The following GADL1 variants were observed in gnomAD, a reference collection of about 807,000 sequenced individuals.
GADL1 encodes the protein acidic amino acid decarboxylase GADL1.
In GADL1, 71 loss-of-function variants were observed where a neutral mutation model predicts 69.5. That is an observed-to-expected ratio of 1.02 (90% CI 0.84 to 1.25). GADL1 has a LOEUF of 1.25. GADL1 is among the 50% of genes most tolerant of loss of function. The pLI, the probability that GADL1 is intolerant of heterozygous loss-of-function variation, is 0.00. For missense variants in GADL1, 737 were observed against 631.8 expected (o/e 1.17, Z -1.79); for synonymous variants, 254 against 214.4 (o/e 1.18, Z -1.62).
chr3:30,813,674 TCA>T (rs1697403285), intron 11 of GADL1, among the ~76,000 whole-genome samples: 1 of 152,244 alleles, frequency 6.6e-6, no homozygotes, highest in African/African-American at 2.4e-5. Context: ...GAGATTGATT[TCA>T]CAGACAGGAA....
At chr3:30,794,788 T>A (rs754831175) in intron 12 of GADL1, among the ~76,000 whole-genome samples, 12 of 152,202 alleles carry the variant, frequency 7.9e-5, no homozygotes, top group Non-Finnish European at 1.6e-4. Flanking sequence ...CAGGGGAATA[T>A]GAAGAGGGCT....
chr3:30,863,122 T>A (rs751164444), intron 1 of GADL1, among the ~76,000 whole-genome samples: 3 of 151,910 alleles, frequency 2.0e-5, no homozygotes, highest in Non-Finnish European at 4.4e-5. Context: ...ATATTTTCCC[T>A]TTTAACAAAT....
At chr3:30,768,123 TAC>T (rs1272030529) in intron 14 of GADL1, among the ~76,000 whole-genome samples, 3 of 150,670 alleles carry the variant, frequency 2.0e-5, no homozygotes, top group Non-Finnish European at 4.4e-5. Context: ...TGCAAATGTA[TAC>T]AGACTTCTTA....
At chr3:30,806,939 A>C (rs977923999) in intron 11 of GADL1, among the ~76,000 whole-genome samples, 1 of 152,216 alleles carries the variant, frequency 6.6e-6, no homozygotes, top group African/African-American at 2.4e-5. Flanking sequence ...CTTCATTACT[A>C]ATCTGGCAGA....
At chr3:30,790,244 G>A (rs1015797800) in intron 12 of GADL1, among the ~76,000 whole-genome samples, 2 of 152,182 alleles carry the variant, frequency 1.3e-5, no homozygotes, top group African/African-American at 4.8e-5. Flanking sequence ...GGAATGGCCA[G>A]TTGGACAGCA....
chr3:30,883,461 T>C (rs1469725799), intron 1 of GADL1, among the ~76,000 whole-genome samples: 1 of 152,044 alleles, frequency 6.6e-6, no homozygotes, highest in Admixed American at 6.6e-5. Context: ...TGACTGTATA[T>C]GTGAGGGGTT....
intron 2 of GADL1, 145 bp downstream of exon 2, chr3:30,861,448 C>G: frequency 1.6e-6 from 1 of 631,640 alleles, no homozygotes. Flanking sequence ...ACAGCCTACA[C>G]TTTTATATCT....
chr3:30,841,612 G>A (rs1697967485), intron 8 of GADL1, among the ~76,000 whole-genome samples: 1 of 152,144 alleles, frequency 6.6e-6, no homozygotes. Context: ...ACAAAATGAG[G>A]AGGAATATTT....
chr3:30,889,463 A>G (rs1308998162), intron 1 of GADL1, among the ~76,000 whole-genome samples: 2 of 152,222 alleles, frequency 1.3e-5, no homozygotes, highest in African/African-American at 2.4e-5. Flanking sequence ...GAACACTTAC[A>G]CAGGAGGTAT....
intron 11 of GADL1, among the ~76,000 whole-genome samples, chr3:30,809,128 G>A (rs939932358): frequency 9.9e-5 from 15 of 152,134 alleles, no homozygotes; most frequent in African/African-American, 3.4e-4. Context: ...CTGTATTTAT[G>A]TTCACCTATA....
At chr3:30,819,193 T>A (rs563713506) in intron 11 of GADL1, among the ~76,000 whole-genome samples, 1 of 127,432 alleles carries the variant, frequency 7.8e-6, no homozygotes, top group South Asian at 2.6e-4. Flanking sequence ...TCTTTCTTGG[T>A]GCCCCGGGTT....
At position 30,760,395 on chromosome 3, in the gene GADL1, ACT is replaced by A. The variant is rs767570297; in HGVS notation, c.1392+17782_1392+17783del. 3.3e-5 allele frequency among the ~76,000 whole-genome samples: 5 copies of A among 152,102 alleles called. No homozygotes were observed. In the East Asian group the frequency reaches 5.8e-4, roughly 18 times the overall value. On this transcript the variant is annotated intron_variant, in intron 14 of 14. Transcript: ENST00000282538. ...AATATCATTTTCAGGGACTTGTATC[ACT>A]CTGTGAAACTCCTAAATTCTGTCCA...
intron 11 of GADL1, among the ~76,000 whole-genome samples, chr3:30,824,460 G>T (rs1398408114): frequency 3.3e-5 from 5 of 151,682 alleles, no homozygotes; most frequent in African/African-American, 1.2e-4. Context: ...AATTATTCCG[G>T]ATGGAACCTT....
chr3:30,807,714 AAG>A (rs1275239117), intron 11 of GADL1, among the ~76,000 whole-genome samples: 1 of 152,164 alleles, frequency 6.6e-6, no homozygotes, highest in Non-Finnish European at 1.5e-5. Flanking sequence ...TGGGGGATGG[AAG>A]AGAGTAAGCA....
At chr3:30,827,680 G>A (rs1326236034) in intron 11 of GADL1, among the ~76,000 whole-genome samples, 1 of 151,786 alleles carries the variant, frequency 6.6e-6, no homozygotes, top group African/African-American at 2.4e-5. Context: ...CACCTACAAA[G>A]CTTTGTGGAA....
At chr3:30,734,637 T>G (rs1695514074) in intron 14 of GADL1, among the ~76,000 whole-genome samples, 1 of 152,178 alleles carries the variant, frequency 6.6e-6, no homozygotes, top group Admixed American at 6.6e-5. Context: ...GTGGTAATGG[T>G]TAGCTTTACA....
At chr3:30,859,532 G>A (rs918999655) in intron 2 of GADL1, among the ~76,000 whole-genome samples, 22 of 151,724 alleles carry the variant, frequency 1.5e-4, no homozygotes, top group African/African-American at 5.1e-4. Flanking sequence ...GATTAGAGAG[G>A]GGCACAGAAT....
chr3:30,826,494 T>C (rs542444513), intron 11 of GADL1, among the ~76,000 whole-genome samples: 4 of 151,932 alleles, frequency 2.6e-5, no homozygotes, highest in African/African-American at 4.8e-5. Flanking sequence ...AATCCAATAA[T>C]AGGCAAAACC....
At chr3:30,833,009 T>G (rs540181914) in intron 11 of GADL1, among the ~76,000 whole-genome samples, 49 of 152,186 alleles carry the variant, frequency 3.2e-4, no homozygotes, top group African/African-American at 1.2e-3. Flanking sequence ...AGACTAGGTT[T>G]CAAGTTTTAA....
Sources: gnomAD v4.1 joint callset for allele counts (sites outside exome capture counted in the v4.1 genomes callset) on GRCh38, gnomAD v4.1.1 for gene constraint, MANE v1.5 for transcripts, NCBI Gene and HGNC (gene_info 2026-07-23, HGNC 2026-07-21) for gene names.